Variants in GLG1 observed in about 807,000 individuals in gnomAD.
GLG1 encodes Golgi apparatus protein 1.
GLG1 carries 38 observed loss-of-function variants against 160.5 expected under a neutral mutation model. That is an observed-to-expected ratio of 0.24 (90% CI 0.18 to 0.31). GLG1 has a LOEUF of 0.31. GLG1 is among the 10% of genes least tolerant of loss of function. The pLI is 1.00. For missense variants in GLG1, 1,373 were observed against 1,505.2 expected (o/e 0.91, Z 1.45); for synonymous variants, 644 against 543.4 (o/e 1.19, Z -2.57).
At chr16:74,549,350 G>C (rs2018136280) in intron 1 of GLG1, among the ~76,000 whole-genome samples, 1 of 151,940 alleles carries the variant, frequency 6.6e-6, no homozygotes, top group South Asian at 2.1e-4. Context: ...CTGAAGTGCA[G>C]TGATGCAATC....
chr16:74,594,345 C>G (rs1290218423), intron 1 of GLG1, among the ~76,000 whole-genome samples: 1 of 152,120 alleles, frequency 6.6e-6, no homozygotes, highest in South Asian at 2.1e-4. Flanking sequence ...GTTATTCAAG[C>G]CTTTAATAGG....
intron 1 of GLG1, among the ~76,000 whole-genome samples, chr16:74,532,735 C>T (rs2017578751): frequency 6.6e-6 from 1 of 151,926 alleles, no homozygotes; most frequent in African/African-American, 2.4e-5. Flanking sequence ...ACTATGTTGC[C>T]CAGGCTGGTG....
chr16:74,509,897 G>A (rs1367442527), intron 2 of GLG1, among the ~76,000 whole-genome samples: 2 of 151,920 alleles, frequency 1.3e-5, no homozygotes, highest in East Asian at 1.9e-4. Context: ...TGTGCTGCCA[G>A]GCTGGTCTTG....
chr16:74,512,857 T>A (rs918985194), intron 2 of GLG1, among the ~76,000 whole-genome samples: 3 of 151,668 alleles, frequency 2.0e-5, no homozygotes, highest in African/African-American at 2.4e-5. Context: ...TTTTGGTGAG[T>A]GGTAAGAGGA....
chr16:74,502,101 C>G (rs1165115186), intron 4 of GLG1, among the ~76,000 whole-genome samples: 4 of 152,178 alleles, frequency 2.6e-5, no homozygotes, highest in Non-Finnish European at 5.9e-5. Context: ...GCCTGCCAAC[C>G]ATGAACAAAT....
intron 1 of GLG1, among the ~76,000 whole-genome samples, chr16:74,553,502 T>C (rs2018266260): frequency 7.2e-6 from 1 of 138,844 alleles, no homozygotes; most frequent in Non-Finnish European, 1.5e-5. Context: ...AAACGGAGTC[T>C]CGCTCTGTCG....
intron 1 of GLG1, among the ~76,000 whole-genome samples, chr16:74,549,723 T>A (rs566663183): frequency 9.2e-5 from 14 of 152,100 alleles, no homozygotes; most frequent in Admixed American, 2.0e-4. Flanking sequence ...GCTAATTTTA[T>A]ATTAAAAAGC....
rs1295438703 is a variant in GLG1 at position 74,600,754 on chromosome 16, AC to A, written c.438+5902del. Among the ~76,000 whole-genome samples the A allele has an allele frequency of 5.2e-3, 759 of 145,866 alleles. 3 individuals carry two copies. The highest frequency in any genetic ancestry group is 0.024 in the Middle Eastern group (7 of 286). On this transcript the variant is annotated intron_variant, in intron 1 of 25. Transcript: ENST00000422840. ...CTCAAAAAAAAAAAAAAAAAAAAAA[AC>A]AAAAAAAAACAGTGACAGAAATTTC...
chr16:74,525,309 G>T (rs1047168145), intron 2 of GLG1, among the ~76,000 whole-genome samples: 2 of 152,102 alleles, frequency 1.3e-5, no homozygotes, highest in African/African-American at 2.4e-5. Flanking sequence ...CCACCTTTTT[G>T]ATTACACCCA....
chr16:74,490,077 G>A (rs942197299), intron 8 of GLG1, among the ~76,000 whole-genome samples: 4 of 152,198 alleles, frequency 2.6e-5, no homozygotes, highest in African/African-American at 7.2e-5. Flanking sequence ...AGGATATAAA[G>A]CGAAACTATC....
rs1308599920 is a variant in GLG1 at position 74,454,680 on chromosome 16, A to C, written c.3373-1346T>G. ...GAATCCGTCCCCAAAAAAAAAAAAA[A>C]AAAAAAAAAAAAAAAAAAAATTTTT... On this transcript the variant is annotated intron_variant, in intron 25 of 25. Transcript: ENST00000422840. 1.7e-4 allele frequency among the ~76,000 whole-genome samples: 24 copies of C among 139,760 alleles called. No individual in the cohort carries two copies. The East Asian group carries it at 2.4e-3, about 14-fold the overall frequency. 91.7% of individuals were successfully genotyped at this position (139,760 alleles called of 152,430 possible).
intron 1 of GLG1, among the ~76,000 whole-genome samples, chr16:74,576,751 A>T (rs543840446): frequency 2.0e-5 from 3 of 152,350 alleles, no homozygotes; most frequent in African/African-American, 7.2e-5. Context: ...AAACAAAAAA[A>T]TAATGAAGCC....
At chr16:74,563,787 C>T (rs2018574227) in intron 1 of GLG1, among the ~76,000 whole-genome samples, 1 of 151,888 alleles carries the variant, frequency 6.6e-6, no homozygotes, top group African/African-American at 2.4e-5. Flanking sequence ...TGATATGCTC[C>T]ATAGCAGATT....
chr16:74,526,907 G>A (rs186167545), intron 2 of GLG1, among the ~76,000 whole-genome samples: 7 of 152,338 alleles, frequency 4.6e-5, no homozygotes, highest in Non-Finnish European at 1.0e-4. Flanking sequence ...CTAGTGTTGA[G>A]TAAGTCGCTA....
chr16:74,496,733 C>T (rs1290667002), intron 4 of GLG1, 89 bp from the exon 5 acceptor site: 1 of 758,920 alleles, frequency 1.3e-6, no homozygotes, highest in East Asian at 2.5e-5. Context: ...CACACACACA[C>T]ACACACACAC....
chr16:74,576,995 C>T (rs1597365287), intron 1 of GLG1, among the ~76,000 whole-genome samples: 1 of 150,862 alleles, frequency 6.6e-6, no homozygotes, highest in African/African-American at 2.4e-5. Context: ...GAACATAGCT[C>T]ACTGCAGCCT....
chr16:74,565,277 C>A (rs556597790), intron 1 of GLG1, among the ~76,000 whole-genome samples: 10 of 152,200 alleles, frequency 6.6e-5, no homozygotes, highest in African/African-American at 2.4e-4. Context: ...TGCAGTGAAC[C>A]GAGATTTTAT....
At chr16:74,467,617 G>T in intron 18 of GLG1, 139 bp downstream of exon 18, 1 of 599,484 alleles carries the variant, frequency 1.7e-6, no homozygotes, top group Non-Finnish European at 3.0e-6. Flanking sequence ...GATTAGGTTG[G>T]AAGGGATGAG....
rs779899287 is a variant in GLG1, at chr16:74,468,763, T to C, written c.2436+183A>G. The C allele has an allele frequency of 1.2e-5, 7 of 593,096 alleles. No homozygotes were observed. In the Admixed American group the frequency reaches 1.5e-4, roughly 12 times the overall value. The allele number at this position is 593,096 out of a possible 1,614,324, so 36.7% of individuals were successfully genotyped here. On this transcript the variant is annotated intron_variant, in intron 17 of 25. Coordinates refer to ENST00000422840, the MANE Select transcript of GLG1 (RefSeq NM_001145667.2). The stretch of plus-strand genomic sequence containing the variant: ...GTTACATGTGGGAAGAAAGGTTTTA[T>C]CATTCAAAATCAAAAGAATGACACA...
Sources: gnomAD v4.1 joint callset for allele counts (sites outside exome capture counted in the v4.1 genomes callset) on GRCh38, gnomAD v4.1.1 for gene constraint, MANE v1.5 for transcripts, NCBI Gene and HGNC (gene_info 2026-07-23, HGNC 2026-07-21) for gene names.